The following ARHGAP15 variants were observed in gnomAD, a reference collection of about 807,000 sequenced individuals.
The protein encoded by ARHGAP15 is Rho GTPase activating protein 15, also known as rho GTPase-activating protein 15.
A neutral mutation model predicts 63.7 loss-of-function variants in ARHGAP15; 51 were observed. The observed-to-expected ratio is 0.80, with a 90% CI of 0.64 to 1.01. The LOEUF is 1.01. ARHGAP15 is among the 50% of genes least tolerant of loss of function. The pLI is 0.00. For synonymous variants in ARHGAP15, 191 were observed against 193.8 expected, an observed-to-expected ratio of 0.99 and a Z score of 0.12; for missense variants, 560 against 564.6, an observed-to-expected ratio of 0.99 and a Z score of 0.08.
Position 143,766,288 on chromosome 2 carries a change from T to C in ARHGAP15, c.1245-1701T>C, listed in dbSNP as rs112402698. 1.1e-4 allele frequency among the ~76,000 whole-genome samples: 17 copies of C among 152,272 alleles called. 1 individual carries two copies. The highest frequency in any genetic ancestry group is 3.4e-4 in the African/African-American group (14 of 41,556). On this transcript the variant is annotated intron_variant, in intron 13 of 13. Coordinates refer to ENST00000295095, the MANE Select transcript of ARHGAP15 (RefSeq NM_018460.4). The stretch of plus-strand genomic sequence containing the variant: ...AAGTGGCACACCATTCTGAGTAGCA[T>C]GATGAGTTCTCCCAACCAGGACGTA...
chr2:143,651,500 T>C (rs1000882140), intron 12 of ARHGAP15, among the ~76,000 whole-genome samples: 1 of 152,012 alleles, frequency 6.6e-6, no homozygotes, highest in Admixed American at 6.6e-5. Flanking sequence ...AGTGGTCAGT[T>C]TGGGCTTATT....
chr2:143,237,820 T>C (rs1190236424), intron 5 of ARHGAP15: 1 of 152,214 alleles, frequency 6.6e-6, no homozygotes, highest in Non-Finnish European at 1.5e-5. Context: ...CTAAAGCCAG[T>C]ATATTCAGTA....
chr2:143,737,736 T>G (rs1010769258), intron 13 of ARHGAP15, among the ~76,000 whole-genome samples: 1 of 123,332 alleles, frequency 8.1e-6, no homozygotes, highest in African/African-American at 3.1e-5. Context: ...TTTTATTTAT[T>G]TATTTATTTA....
intron 10 of ARHGAP15, among the ~76,000 whole-genome samples, chr2:143,543,655 A>ATG (rs1695201308): frequency 6.6e-6 from 1 of 151,890 alleles, no homozygotes; most frequent in African/African-American, 2.4e-5. Flanking sequence ...AAATATATAT[A>ATG]TATAAATATG....
At chr2:143,481,135 T>C (rs1206661896) in intron 8 of ARHGAP15, among the ~76,000 whole-genome samples, 5 of 152,060 alleles carry the variant, frequency 3.3e-5, no homozygotes, top group Non-Finnish European at 7.4e-5. Flanking sequence ...CTGCTCTGAA[T>C]ACTGCAGAGT....
chr2:143,727,234 GAAAAC>G (rs1370708492), intron 13 of ARHGAP15, among the ~76,000 whole-genome samples: 1 of 152,164 alleles, frequency 6.6e-6, no homozygotes, highest in Non-Finnish European at 1.5e-5. Flanking sequence ...AAAGTAAAAA[GAAAAC>G]ATTTCTGCCA....
intron 13 of ARHGAP15, among the ~76,000 whole-genome samples, chr2:143,726,697 T>C (rs1685295279): frequency 6.6e-6 from 1 of 152,226 alleles, no homozygotes; most frequent in African/African-American, 2.4e-5. Flanking sequence ...CGGCACATGT[T>C]CAAGTGACGA....
At chr2:143,353,975 A>T (rs1685691635) in intron 6 of ARHGAP15, among the ~76,000 whole-genome samples, 1 of 151,500 alleles carries the variant, frequency 6.6e-6, no homozygotes, top group Non-Finnish European at 1.5e-5. Flanking sequence ...CTACAGAGCA[A>T]TTTTACCTGT....
At chr2:143,626,772 C>T (rs1218924865) in intron 12 of ARHGAP15, among the ~76,000 whole-genome samples, 1 of 152,136 alleles carries the variant, frequency 6.6e-6, no homozygotes, top group African/African-American at 2.4e-5. Context: ...TGCGTTTTTA[C>T]AATCCTCTTG....
chr2:143,315,050 T>G (rs1164817274), intron 6 of ARHGAP15, among the ~76,000 whole-genome samples: 2 of 152,216 alleles, frequency 1.3e-5, no homozygotes, highest in African/African-American at 2.4e-5. Context: ...TACATACATA[T>G]GAATACATTT....
At chr2:143,462,804 C>T (rs201259441) in intron 8 of ARHGAP15, among the ~76,000 whole-genome samples, 52 of 151,596 alleles carry the variant, frequency 3.4e-4, no homozygotes, top group East Asian at 8.0e-4. Context: ...GATGGATGGA[C>T]AGACGGACAG....
intron 8 of ARHGAP15, among the ~76,000 whole-genome samples, chr2:143,468,343 A>G (rs1269061302): frequency 6.6e-6 from 1 of 152,090 alleles, no homozygotes; most frequent in Admixed American, 6.6e-5. Flanking sequence ...ACTATTTTCA[A>G]TAAGAACAAA....
At chr2:143,561,031 A>G (rs922108330) in intron 11 of ARHGAP15, among the ~76,000 whole-genome samples, 2 of 152,230 alleles carry the variant, frequency 1.3e-5, no homozygotes, top group African/African-American at 4.8e-5. Context: ...TTGATTCTTC[A>G]GAATGATCTG....
At chr2:143,593,698 C>G (rs938785093) in intron 11 of ARHGAP15, among the ~76,000 whole-genome samples, 1 of 152,100 alleles carries the variant, frequency 6.6e-6, no homozygotes, top group Non-Finnish European at 1.5e-5. Context: ...AGCCATAGCA[C>G]ATATTATTTT....
chr2:143,432,407 CTT>C (rs997776503), intron 6 of ARHGAP15, among the ~76,000 whole-genome samples: 1 of 152,006 alleles, frequency 6.6e-6, no homozygotes, highest in Non-Finnish European at 1.5e-5. Context: ...TCTTAAAACT[CTT>C]TTAAGATGTT....
intron 9 of ARHGAP15, among the ~76,000 whole-genome samples, chr2:143,490,628 T>C (rs915860401): frequency 5.3e-5 from 8 of 151,740 alleles, no homozygotes; most frequent in African/African-American, 1.9e-4. Flanking sequence ...TATTTGTTTG[T>C]TTATTTTTTT....
At chr2:143,764,743 G>C (rs1389446679) in intron 13 of ARHGAP15, among the ~76,000 whole-genome samples, 1 of 152,122 alleles carries the variant, frequency 6.6e-6, no homozygotes, top group East Asian at 1.9e-4. Context: ...TTGGCTCCCA[G>C]ATACCTTAAT....
At chr2:143,644,165 G>A (rs1559098940) in intron 12 of ARHGAP15, among the ~76,000 whole-genome samples, 2 of 152,080 alleles carry the variant, frequency 1.3e-5, no homozygotes, top group Non-Finnish European at 2.9e-5. Flanking sequence ...GCATTTTTAT[G>A]TTAAGGTTTG....
intron 2 of ARHGAP15, among the ~76,000 whole-genome samples, chr2:143,177,051 T>C (rs1365517233): frequency 6.6e-6 from 1 of 152,218 alleles, no homozygotes; most frequent in East Asian, 1.9e-4. Flanking sequence ...GGAGTCACTT[T>C]CTTGGCAGTT....
Sources: gnomAD v4.1 joint callset for allele counts (sites outside exome capture counted in the v4.1 genomes callset) on GRCh38, gnomAD v4.1.1 for gene constraint, MANE v1.5 for transcripts, NCBI Gene and HGNC (gene_info 2026-07-23, HGNC 2026-07-21) for gene names.